The following PDZD2 variants were observed in gnomAD, a reference collection of about 807,000 sequenced individuals.
PDZD2 encodes the protein PDZ domain-containing protein 2.
Under a neutral mutation model 220.7 loss-of-function variants are expected in PDZD2, and 90 were observed. The ratio of observed to expected loss-of-function variants is 0.41; its 90% confidence interval spans 0.34 to 0.49. PDZD2 has a LOEUF of 0.49. PDZD2 is among the 20% of genes least tolerant of loss of function. The pLI, the probability that PDZD2 is intolerant of heterozygous loss-of-function variation, is 0.28. For synonymous variants in PDZD2, 1,375 were observed against 1,450.5 expected (o/e 0.95, Z 1.18); for missense variants, 3,174 against 3,608.5 (o/e 0.88, Z 3.08).
chr5:31,778,882 G>A (rs1211395886), intron 1 of PDZD2, among the ~76,000 whole-genome samples: 1 of 152,144 alleles, frequency 6.6e-6, no homozygotes, highest in African/African-American at 2.4e-5. Context: ...CTCCTTTCCT[G>A]AGATGAAAAC....
chr5:31,941,939 G>A (rs1220108221), intron 2 of PDZD2, among the ~76,000 whole-genome samples: 1 of 152,216 alleles, frequency 6.6e-6, no homozygotes, highest in East Asian at 1.9e-4. Flanking sequence ...GTTTTAGTAT[G>A]TGTTTTGTTT....
chr5:32,024,121 A>G (rs1006825721), intron 6 of PDZD2, among the ~76,000 whole-genome samples: 4 of 152,232 alleles, frequency 2.6e-5, no homozygotes, highest in Non-Finnish European at 5.9e-5. Context: ...GATGCTGGCA[A>G]TGCAGATAAG....
At position 31,689,353 on chromosome 5, in the gene PDZD2, A is replaced by ATTTTTTTTT. The variant is rs1160111594; in HGVS notation, c.-361+49928_-361+49936dup. 1.8e-3 allele frequency among the ~76,000 whole-genome samples: 62 copies of ATTTTTTTTT among 35,104 alleles called. 4 individuals are homozygous for ATTTTTTTTT. Among genetic ancestry groups the ATTTTTTTTT allele is most frequent in the East Asian group, 3.7e-3 (2 of 542 alleles). 23.0% of individuals were successfully genotyped at this position (35,104 alleles called of 152,430 possible). ...TACATATACATATATATATATATAT[A>ATTTTTTTTT]TTTTTTTTTTTTTTTTTTTTAAGTC... On this transcript the variant is annotated intron_variant, in intron 1 of 24. Coordinates refer to ENST00000438447, the MANE Select transcript of PDZD2 (RefSeq NM_178140.4).
chr5:31,856,884 C>T (rs956606306), intron 2 of PDZD2, among the ~76,000 whole-genome samples: 5 of 147,418 alleles, frequency 3.4e-5, no homozygotes, highest in Admixed American at 6.9e-5. Context: ...AGACTTATAG[C>T]GTGAGCTTCC....
chr5:32,077,379 T>C, intron 18 of PDZD2, 83 bp from the exon 19 acceptor site: 1 of 1,450,448 alleles, frequency 6.9e-7, no homozygotes, highest in Non-Finnish European at 9.6e-7. Context: ...CTGAACTAGC[T>C]CTGCTCTCTA....
At chr5:31,669,271 A>G (rs1466702747) in intron 1 of PDZD2, among the ~76,000 whole-genome samples, 1 of 152,000 alleles carries the variant, frequency 6.6e-6, no homozygotes, top group Non-Finnish European at 1.5e-5. Flanking sequence ...GGGTAGTTGC[A>G]TGCATCTGTA....
intron 2 of PDZD2, among the ~76,000 whole-genome samples, chr5:31,868,574 T>C (rs1445648026): frequency 3.3e-5 from 5 of 152,072 alleles, no homozygotes; most frequent in Non-Finnish European, 7.3e-5. Flanking sequence ...ATGGTGAGGA[T>C]GGAGTGGGTG....
chr5:31,869,994 T>C (rs112341434), intron 2 of PDZD2, among the ~76,000 whole-genome samples: 3,849 of 152,220 alleles, frequency 0.025, 161 homozygotes, highest in African/African-American at 0.088. Flanking sequence ...GCAAATTATT[T>C]TTTAAAAAAG....
At chr5:31,827,216 G>A (rs1756282820) in intron 2 of PDZD2, among the ~76,000 whole-genome samples, 1 of 152,092 alleles carries the variant, frequency 6.6e-6, no homozygotes, top group African/African-American at 2.4e-5. Context: ...GATATTTACT[G>A]ACCACCTACT....
intron 2 of PDZD2, among the ~76,000 whole-genome samples, chr5:31,907,366 A>G (rs968258750): frequency 6.6e-6 from 1 of 152,166 alleles, no homozygotes; most frequent in African/African-American, 2.4e-5. Flanking sequence ...TAAGGGTACT[A>G]ATCCCTTCAT....
chr5:31,891,619 T>C (rs1392561070), intron 2 of PDZD2, among the ~76,000 whole-genome samples: 2 of 149,916 alleles, frequency 1.3e-5, no homozygotes, highest in East Asian at 2.0e-4. Context: ...CCGGCCGGTT[T>C]TTCCATTTCT....
chr5:31,807,917 C>T (rs1417668769), intron 2 of PDZD2, among the ~76,000 whole-genome samples: 23 of 152,172 alleles, frequency 1.5e-4, no homozygotes, highest in Admixed American at 1.4e-3. Flanking sequence ...GTACCCGCTG[C>T]CTTGAACTTG....
chr5:31,856,955 T>C (rs1182838687), intron 2 of PDZD2, among the ~76,000 whole-genome samples: 2 of 151,470 alleles, frequency 1.3e-5, no homozygotes, highest in Non-Finnish European at 2.9e-5. Flanking sequence ...AAGTCAAATA[T>C]GTCTACAAGG....
At chr5:31,740,292 G>A (rs945634591) in intron 1 of PDZD2, among the ~76,000 whole-genome samples, 5 of 151,632 alleles carry the variant, frequency 3.3e-5, no homozygotes, top group East Asian at 1.9e-4. Context: ...AGGCCGAGGC[G>A]GGCAGATCAC....
intron 2 of PDZD2, among the ~76,000 whole-genome samples, chr5:31,878,751 C>T (rs537819730): frequency 1.1e-3 from 167 of 151,414 alleles, no homozygotes; most frequent in African/African-American, 3.9e-3. Flanking sequence ...TTAGTAGAGA[C>T]GGGGTTTCAC....
chr5:31,947,861 G>C (rs1250418966), intron 2 of PDZD2, among the ~76,000 whole-genome samples: 1 of 151,832 alleles, frequency 6.6e-6, no homozygotes, highest in Non-Finnish European at 1.5e-5. Flanking sequence ...GTGAGAGAGA[G>C]AAAGAGAGAG....
intron 1 of PDZD2, among the ~76,000 whole-genome samples, chr5:31,759,342 A>G (rs1751493466): frequency 6.6e-6 from 1 of 152,078 alleles, no homozygotes; most frequent in Non-Finnish European, 1.5e-5. Context: ...GTTTCCTAGT[A>G]TGAAATTAAA....
chr5:31,995,732 T>G lies in PDZD2; in HGVS notation c.1121+14T>G, dbSNP rs1751574077. On this transcript the variant is annotated intron_variant, in intron 4 of 24. Transcript: ENST00000438447. Reference sequence around the variant, plus strand: ...TGCCGCTCACAGGTGACTAGATAACTCTCCCCTCTCCCCCATCCCTCTGCC... The same window carrying G: ...TGCCGCTCACAGGTGACTAGATAACGCTCCCCTCTCCCCCATCCCTCTGCC... 6.2e-7 allele frequency: 1 copy of G among 1,609,732 alleles called. No individual in the cohort carries two copies. The highest frequency in any genetic ancestry group is 1.3e-5 in the African/African-American group (1 of 74,928).
chr5:31,747,243 A>T (rs960776329), intron 1 of PDZD2, among the ~76,000 whole-genome samples: 3 of 152,216 alleles, frequency 2.0e-5, no homozygotes, highest in African/African-American at 7.2e-5. Flanking sequence ...CCAAAGAAAT[A>T]GTAAACGTGT....
Sources: allele counts gnomAD v4.1 joint callset (sites outside exome capture counted in the v4.1 genomes callset), GRCh38; gene constraint gnomAD v4.1.1; transcripts MANE v1.5; gene names NCBI Gene and HGNC (gene_info 2026-07-23, HGNC 2026-07-21).